OR4D11: variants seen among roughly 807,000 people sequenced by gnomAD.
OR4D11 encodes the protein olfactory receptor family 4 subfamily D member 11.
In OR4D11, 11 loss-of-function variants were observed where a neutral mutation model predicts 11.7. The ratio of observed to expected loss-of-function variants is 0.94; its 90% confidence interval spans 0.59 to 1.56. The LOEUF is 1.56. Among genes scored for constraint, OR4D11 ranks in the 40% most tolerant of loss-of-function variants. OR4D11 has a pLI of 0.00. For synonymous variants in OR4D11, 165 were observed against 150.0 expected, an observed-to-expected ratio of 1.10 and a Z score of -0.73; for missense variants, 384 against 373.9, an observed-to-expected ratio of 1.03 and a Z score of -0.22.
At position 59,503,745 on chromosome 11, in the gene OR4D11, C is replaced by G; in HGVS notation, c.170C>G (p.Thr57Ser). 2 of 1,613,708 alleles carry G rather than the reference C, an allele frequency of 1.2e-6. No homozygotes were observed. The highest frequency in any genetic ancestry group is 1.7e-6 in the Non-Finnish European group (2 of 1,179,640). The change falls in exon 1 of 1, where the codon ACC becomes AGC. Residue 57 changes from threonine to serine, a missense_variant. By Grantham distance (58) the Thr-to-Ser change is moderately conservative (BLOSUM62 1). Transcript: ENST00000313253. The stretch of plus-strand genomic sequence containing the variant: ...GTGACCTGTGAGTCTCGCCTTCACA[C>G]CCCCATGTACTTCCTGCTCCGCAAT... ...VTVTCESRLH[T>S]PMYFLLRNLA...
rs1474182579 is a variant in OR4D11 at position 59,504,359 on chromosome 11, T to C, written c.784T>C (p.Phe262Leu). 6.2e-7 allele frequency: 1 copy of C among 1,613,978 alleles called. No individual in the cohort carries two copies. Among genetic ancestry groups the C allele is most frequent in the Non-Finnish European group, 8.5e-7 (1 of 1,180,016 alleles). Residue 262 changes from phenylalanine (F) to leucine (L), a missense_variant, in exon 1 of 1, where the codon TTC becomes CTC. Coordinates refer to ENST00000313253, the MANE Select transcript of OR4D11 (RefSeq NM_001004706.1). ...CTGCATCTATGTCTATGCCCGGCCCTTCACTGCCCTCCCCACAGAAAAGGC... is the reference window on the plus strand; with the variant it reads ...CTGCATCTATGTCTATGCCCGGCCCCTCACTGCCCTCCCCACAGAAAAGGC... ...VPCIYVYARP[F>L]TALPTEKAIS...
chr11:59,503,677 G>A lies in OR4D11; in HGVS notation c.102G>A (p.Val34=). 6.2e-7 allele frequency: 1 copy of A among 1,601,600 alleles called. No individual in the cohort carries two copies. Among genetic ancestry groups the A allele is most frequent in the Non-Finnish European group, 8.6e-7 (1 of 1,168,636 alleles). The change falls in exon 1 of 1, where the codon GTG becomes GTA. Residue 34 remains valine, a synonymous_variant. Coordinates refer to ENST00000313253, the MANE Select transcript of OR4D11 (RefSeq NM_001004706.1). ...TCTTGTTTCTTTTTTTATGTCTTGT[G>A]TACATGACGACTCTGCTGGGAAACC... is the stretch of plus-strand genomic sequence containing the variant. ...SLVLFLFLCL[V]YMTTLLGNLL...
Position 59,503,751 on chromosome 11 carries a change from T to C in OR4D11, c.176T>C (p.Met59Thr), listed in dbSNP as rs139603757. Residue 59 changes from methionine (M) to threonine (T), a missense_variant, in exon 1 of 1, where the codon ATG becomes ACG. Transcript: ENST00000313253. ...VTCESRLHTPMYFLLRNLAIL... is the reference protein window; with the variant it reads ...VTCESRLHTPTYFLLRNLAIL... ...TGTGAGTCTCGCCTTCACACCCCCA[T>C]GTACTTCCTGCTCCGCAATCTAGCC... 6.2e-6 allele frequency: 10 copies of C among 1,613,990 alleles called. No individual in the cohort carries two copies. The highest frequency in any genetic ancestry group is 3.3e-5 in the Admixed American group (2 of 60,018).
chr11:59,504,103 T>C lies in OR4D11; in HGVS notation c.528T>C (p.Thr176=). The change falls in exon 1 of 1, where the codon ACT becomes ACC. Residue 176 remains threonine, a synonymous_variant. Transcript: ENST00000313253. ...LPFCGPNVLD[T]FYCDVPQVLK... ...TCTGTGGACCCAATGTTCTTGACAC[T>C]TTCTACTGCGATGTCCCCCAGGTCC... The C allele has an allele frequency of 6.2e-7, 1 of 1,614,210 alleles. No homozygotes were observed. The highest frequency in any genetic ancestry group is 8.5e-7 in the Non-Finnish European group (1 of 1,180,042).
At position 59,503,642 on chromosome 11, in the gene OR4D11, C is replaced by T; in HGVS notation, c.67C>T (p.Gln23Ter). 1 of 1,593,298 alleles carries T rather than the reference C, an allele frequency of 6.3e-7. No homozygotes were observed. Among genetic ancestry groups the T allele is most frequent in the Non-Finnish European group, 8.6e-7 (1 of 1,162,584 alleles). ...IFLGLTQSQD[Q>*]SLVLFLFLCL... ...TCTGGGACTTACTCAATCCCAAGAC[C>T]AGAGTTTGGTCTTGTTTCTTTTTTT... is the stretch of plus-strand genomic sequence containing the variant. Residue 23 changes from glutamine to a stop codon, truncating the protein, a stop_gained, in exon 1 of 1, where the codon CAG (glutamine) becomes TAG (stop). Coordinates refer to ENST00000313253, the MANE Select transcript of OR4D11 (RefSeq NM_001004706.1). LOFTEE classifies it high-confidence loss of function.
At position 59,503,731 on chromosome 11, in the gene OR4D11, GTCTCGCCT is replaced by G. The variant is rs1859225430; in HGVS notation, c.159_166del (p.Arg54HisfsTer14). On this transcript the variant is annotated frameshift_variant, in exon 1 of 1. Coordinates refer to ENST00000313253, the MANE Select transcript of OR4D11 (RefSeq NM_001004706.1). LOFTEE classifies it high-confidence loss of function. ...TCATCATGGTCACCGTGACCTGTGA[GTCTCGCCT>G]TCACACCCCCATGTACTTCCTGCTC... 6.2e-7 allele frequency: 1 copy of G among 1,613,686 alleles called. No homozygotes were observed. The highest frequency in any genetic ancestry group is 1.1e-5 in the South Asian group (1 of 91,072).
Position 59,503,974 on chromosome 11 carries a change from G to A in OR4D11, c.399G>A (p.Val133=), listed in dbSNP as rs767803060. The A allele has an allele frequency of 3.1e-6, 5 of 1,614,070 alleles. No individual in the cohort carries two copies. Among genetic ancestry groups the A allele is most frequent in the East Asian group, 4.5e-5 (2 of 44,890 alleles). Residue 133 remains valine (V), a synonymous_variant, in exon 1 of 1, where the codon GTG becomes GTA. Transcript: ENST00000313253. Reference sequence around the variant, plus strand: ...CCATCTCCAAGCCCCTGCACTATGTGACCATCATGAGTAGAGGGCAATGCA... The same window carrying A: ...CCATCTCCAAGCCCCTGCACTATGTAACCATCATGAGTAGAGGGCAATGCA... ...YMAISKPLHY[V]TIMSRGQCTA...
rs764386306 is a variant in OR4D11 at position 59,504,113 on chromosome 11, G to T, written c.538G>T (p.Asp180Tyr). ...CAATGTTCTTGACACTTTCTACTGC[G>T]ATGTCCCCCAGGTCCTCAAACTCAC... is the stretch of plus-strand genomic sequence containing the variant. ...GPNVLDTFYC[D>Y]VPQVLKLTCT... The change falls in exon 1 of 1, where the codon GAT becomes TAT. Residue 180 changes from aspartate to tyrosine, a missense_variant. Asp to Tyr is a radical substitution (Grantham distance 160). Transcript: ENST00000313253. The T allele has an allele frequency of 1.7e-5, 27 of 1,614,004 alleles. No homozygotes were observed. In the Admixed American group the frequency reaches 4.3e-4, roughly 26 times the overall value.
chr11:59,503,660 C>CT lies in OR4D11; in HGVS notation c.92dup (p.Leu31PhefsTer22). On this transcript the variant is annotated frameshift_variant, in exon 1 of 1. Coordinates refer to ENST00000313253, the MANE Select transcript of OR4D11 (RefSeq NM_001004706.1). LOFTEE classifies it high-confidence loss of function. ...CCAAGACCAGAGTTTGGTCTTGTTT[C>CT]TTTTTTTATGTCTTGTGTACATGAC... 6.2e-7 allele frequency: 1 copy of CT among 1,600,246 alleles called. No homozygotes were observed. The highest frequency in any genetic ancestry group is 8.6e-7 in the Non-Finnish European group (1 of 1,167,762).
In OR4D11 at chr11:59,503,900, G is replaced by T. The variant is rs1040924500; in HGVS notation, c.325G>T (p.Gly109Trp). ...TQIFLFHLLG[G>W]ADIFSLSVMA... ...GATATTTCTCTTCCACCTCCTTGGTGGGGCAGACATTTTTTCTCTCTCTGT... is the reference window on the plus strand; with the variant it reads ...GATATTTCTCTTCCACCTCCTTGGTTGGGCAGACATTTTTTCTCTCTCTGT... The change falls in exon 1 of 1, where the codon GGG (glycine) becomes TGG (tryptophan). Residue 109 changes from glycine to tryptophan, a missense_variant. Physicochemically the swap from Gly to Trp is radical, Grantham distance 184 (BLOSUM62 -2). Coordinates refer to ENST00000313253, the MANE Select transcript of OR4D11 (RefSeq NM_001004706.1). 6.2e-7 allele frequency: 1 copy of T among 1,613,730 alleles called. No homozygotes were observed. The highest frequency in any genetic ancestry group is 8.5e-7 in the Non-Finnish European group (1 of 1,179,770).
At position 59,504,321 on chromosome 11, in the gene OR4D11, T is replaced by C; in HGVS notation, c.746T>C (p.Leu249Pro). 1 of 1,614,164 alleles carries C rather than the reference T, an allele frequency of 6.2e-7. No individual in the cohort carries two copies. Among genetic ancestry groups the C allele is most frequent in the Non-Finnish European group, 8.5e-7 (1 of 1,180,014 alleles). ...TCTSHITVVTLHFVPCIYVYA... is the reference protein window; with the variant it reads ...TCTSHITVVTPHFVPCIYVYA... ...ACCTCCCACATCACTGTGGTGACCC[T>C]GCATTTTGTGCCCTGCATCTATGTC... Residue 249 changes from leucine (L) to proline (P), a missense_variant, in exon 1 of 1, where the codon CTG becomes CCG. Coordinates refer to ENST00000313253, the MANE Select transcript of OR4D11 (RefSeq NM_001004706.1).
chr11:59,503,937 A>G lies in OR4D11; in HGVS notation c.362A>G (p.Asp121Gly). Residue 121 changes from aspartate to glycine, a missense_variant, in exon 1 of 1, where the codon GAC becomes GGC. By Grantham distance (94) the Asp-to-Gly change is moderately conservative. Coordinates refer to ENST00000313253, the MANE Select transcript of OR4D11 (RefSeq NM_001004706.1). The stretch of plus-strand genomic sequence containing the variant: ...TTTTCTCTCTCTGTGATGGCGTTTG[A>G]CTGCTACATGGCCATCTCCAAGCCC... ...DIFSLSVMAF[D>G]CYMAISKPLH... The G allele has an allele frequency of 6.2e-7, 1 of 1,613,954 alleles. No individual in the cohort carries two copies. Among genetic ancestry groups the G allele is most frequent in the Non-Finnish European group, 8.5e-7 (1 of 1,179,934 alleles).
chr11:59,504,169 G>C lies in OR4D11; in HGVS notation c.594G>C (p.Leu198Phe), dbSNP rs1201731871. 1 of 1,614,184 alleles carries C rather than the reference G, an allele frequency of 6.2e-7. No homozygotes were observed. The highest frequency in any genetic ancestry group is 8.5e-7 in the Non-Finnish European group (1 of 1,180,028). ...TCTDTFALEF[L>F]MISNNGLVTT... ...CTGACACTTTTGCTCTTGAGTTCTT[G>C]ATGATTTCCAACAATGGCCTGGTCA... Residue 198 changes from leucine (L) to phenylalanine (F), a missense_variant, in exon 1 of 1, where the codon TTG becomes TTC. Coordinates refer to ENST00000313253, the MANE Select transcript of OR4D11 (RefSeq NM_001004706.1).
Position 59,503,681 on chromosome 11 carries a change from A to C in OR4D11, c.106A>C (p.Met36Leu), listed in dbSNP as rs1859224277. ...GTTTCTTTTTTTATGTCTTGTGTAC[A>C]TGACGACTCTGCTGGGAAACCTCCT... ...VLFLFLCLVY[M>L]TTLLGNLLIM... Residue 36 changes from methionine to leucine, a missense_variant, in exon 1 of 1, where the codon ATG becomes CTG. By Grantham distance (15) the Met-to-Leu change is conservative. Transcript: ENST00000313253. The C allele has an allele frequency of 6.2e-7, 1 of 1,607,496 alleles. No homozygotes were observed. The highest frequency in any genetic ancestry group is 8.5e-7 in the Non-Finnish European group (1 of 1,173,976).
chr11:59,504,210 T>G lies in OR4D11; in HGVS notation c.635T>G (p.Ile212Ser). Reference sequence around the variant, plus strand: ...GGCCTGGTCACTACCCTGTGGTTTATCTTCCTGCTTGTGTCCTACACAGTC... The same window carrying G: ...GGCCTGGTCACTACCCTGTGGTTTAGCTTCCTGCTTGTGTCCTACACAGTC... ...NNGLVTTLWFIFLLVSYTVIL... is the reference protein window; with the variant it reads ...NNGLVTTLWFSFLLVSYTVIL... Residue 212 changes from isoleucine (I) to serine (S), a missense_variant, in exon 1 of 1, where the codon ATC (isoleucine) becomes AGC (serine). Transcript: ENST00000313253. 1 of 1,614,236 alleles carries G rather than the reference T, an allele frequency of 6.2e-7. No homozygotes were observed. Among genetic ancestry groups the G allele is most frequent in the Non-Finnish European group, 8.5e-7 (1 of 1,180,042 alleles).
Position 59,503,896 on chromosome 11 carries a change from T to A in OR4D11, c.321T>A (p.Leu107=), listed in dbSNP as rs770828009. The part of the protein sequence containing the change: ...CMTQIFLFHL[L]GGADIFSLSV... ...CACAGATATTTCTCTTCCACCTCCT[T>A]GGTGGGGCAGACATTTTTTCTCTCT... Residue 107 remains leucine (L), a synonymous_variant, in exon 1 of 1, where the codon CTT becomes CTA. Transcript: ENST00000313253. 1.3e-5 allele frequency: 21 copies of A among 1,612,928 alleles called. No individual in the cohort carries two copies. Among genetic ancestry groups the A allele is most frequent in the Non-Finnish European group, 1.8e-5 (21 of 1,179,000 alleles).
rs1238593488 is a variant in OR4D11, at chr11:59,503,775, C to A, written c.200C>A (p.Ala67Asp). 1 of 1,613,268 alleles carries A rather than the reference C, an allele frequency of 6.2e-7. No homozygotes were observed. Among genetic ancestry groups the A allele is most frequent in the East Asian group, 2.2e-5 (1 of 44,880 alleles). Reference sequence around the variant, plus strand: ...ATGTACTTCCTGCTCCGCAATCTAGCCATCCTTGACATCTGCTTCTCCTCC... The same window carrying A: ...ATGTACTTCCTGCTCCGCAATCTAGACATCCTTGACATCTGCTTCTCCTCC... ...TPMYFLLRNL[A>D]ILDICFSSTT... is the part of the protein sequence containing the mutation. Residue 67 changes from alanine (A) to aspartate (D), a missense_variant, in exon 1 of 1, where the codon GCC (alanine) becomes GAC (aspartate). Ala to Asp is a moderately radical substitution (Grantham distance 126). Transcript: ENST00000313253.
Position 59,504,271 on chromosome 11 carries a change from C to A in OR4D11, c.696C>A (p.Gly232=). 5 of 1,614,118 alleles carry A rather than the reference C, an allele frequency of 3.1e-6. No homozygotes were observed. The Middle Eastern group carries it at 8.3e-4, about 266-fold the overall frequency. ...CGCTGAGGTCTCAGGCAGGAGGGGG[C>A]AGGAGGAAAGCCATCTCCACTTGCA... ...LMTLRSQAGG[G]RRKAISTCTS... The change falls in exon 1 of 1, where the codon GGC becomes GGA. Residue 232 remains glycine (G), a synonymous_variant. Coordinates refer to ENST00000313253, the MANE Select transcript of OR4D11 (RefSeq NM_001004706.1).
rs905918834 is a variant in OR4D11, at chr11:59,504,427, T to G, written c.852T>G (p.Pro284=). The change falls in exon 1 of 1, where the codon CCT becomes CCG. Residue 284 remains proline, a synonymous_variant. Coordinates refer to ENST00000313253, the MANE Select transcript of OR4D11 (RefSeq NM_001004706.1). ...TFTVISPLLN[P]LIYTLRNQEM... is the part of the protein sequence containing the mutation. ...CTGTCATCTCCCCTCTGCTGAACCC[T>G]TTGATCTACACTCTGAGGAACCAGG... 1 of 1,487,618 alleles carries G rather than the reference T, an allele frequency of 6.7e-7. No individual in the cohort carries two copies. Among genetic ancestry groups the G allele is most frequent in the Non-Finnish European group, 9.0e-7 (1 of 1,112,632 alleles). 92.2% of individuals were successfully genotyped at this position (1,487,618 alleles called of 1,614,324 possible).
Sources: allele counts gnomAD v4.1 joint callset, GRCh38; gene constraint gnomAD v4.1.1; transcripts MANE v1.5; gene names NCBI Gene and HGNC (gene_info 2026-07-23, HGNC 2026-07-21).